FBXO36: variants seen among roughly 807,000 people sequenced by gnomAD.
FBXO36 encodes F-box protein 36.
Under a neutral mutation model 17.0 loss-of-function variants are expected in FBXO36, and 18 were observed. That is an observed-to-expected ratio of 1.06 (90% CI 0.73 to 1.57). FBXO36 has a LOEUF of 1.57. Among genes scored for constraint, FBXO36 ranks in the 40% most tolerant of loss-of-function variants. The probability of loss-of-function intolerance (pLI) is 0.00; values close to 1 mark genes in which losing one functional copy is unlikely to be tolerated. For missense variants in FBXO36, 229 were observed against 221.9 expected (o/e 1.03, Z -0.20); for synonymous variants, 83 against 85.3 (o/e 0.97, Z 0.15).
rs543214 is a variant in FBXO36 at position 229,981,734 on chromosome 2, A to G, written c.205+5385A>G. On this transcript the variant is annotated intron_variant, in intron 2 of 3. Transcript: ENST00000283946. The stretch of plus-strand genomic sequence containing the variant: ...AAAAAAAAAGAAAGAAAGAAAAAGG[A>G]AAAGAAAAAAAAAATTCCCAGCATG... Among the ~76,000 whole-genome samples, 76 of 151,708 alleles carry G rather than the reference A, an allele frequency of 5.0e-4. 1 individual carries two copies. The East Asian group carries it at 0.013, about 26-fold the overall frequency.
In FBXO36 at chr2:229,940,191, A is replaced by G. The variant is rs528447363; in HGVS notation, c.96+17582A>G. Reference sequence around the variant, plus strand: ...GTTCCCAATTAGTGGAGCTTGTTTAAGCTGTGACTAAAGGATGTTTTTATA... The same window carrying G: ...GTTCCCAATTAGTGGAGCTTGTTTAGGCTGTGACTAAAGGATGTTTTTATA... On this transcript the variant is annotated intron_variant, in intron 1 of 3. Transcript: ENST00000283946. Among the ~76,000 whole-genome samples, 250 of 152,336 alleles carry G rather than the reference A, an allele frequency of 1.6e-3. 1 individual carries two copies. Among genetic ancestry groups the G allele is most frequent in the African/African-American group, 5.6e-3 (233 of 41,586 alleles).
intron 1 of FBXO36, among the ~76,000 whole-genome samples, chr2:229,948,940 T>G (rs2077041016): frequency 6.6e-6 from 1 of 152,158 alleles, no homozygotes; most frequent in East Asian, 1.9e-4. Flanking sequence ...TTCAACTGAT[T>G]ATCCTGCCTC....
chr2:229,961,262 T>G (rs1222536569), intron 1 of FBXO36, among the ~76,000 whole-genome samples: 2 of 152,254 alleles, frequency 1.3e-5, no homozygotes, highest in African/African-American at 4.8e-5. Flanking sequence ...TATATTTGTT[T>G]ATTATATACA....
At chr2:229,953,455 C>T (rs188524639) in intron 1 of FBXO36, among the ~76,000 whole-genome samples, 37 of 151,906 alleles carry the variant, frequency 2.4e-4, no homozygotes, top group Non-Finnish European at 3.5e-4. Flanking sequence ...GTGGGAAGAT[C>T]GCTTGAGCTC....
intron 2 of FBXO36, chr2:229,976,638 G>A (rs1052517172): frequency 2.5e-5 from 6 of 236,758 alleles, no homozygotes; most frequent in Admixed American, 1.1e-4. Context: ...GGCCAAGATG[G>A]TGAAACCCTG....
intron 1 of FBXO36, among the ~76,000 whole-genome samples, chr2:229,954,772 C>A (rs1279275005): frequency 2.6e-5 from 4 of 150,972 alleles, no homozygotes; most frequent in Admixed American, 1.3e-4. Context: ...TGGACTCAAT[C>A]TCCTGACCTC....
In FBXO36 at chr2:230,012,093, A is replaced by G. The variant is rs950274477; in HGVS notation, c.*1209A>G. ...CCACATCACATTATAATATAGCCTT[A>G]TAATTTCTTCTTTCCTGCAACCTTC... On this transcript the variant is annotated 3_prime_UTR_variant, in exon 4 of 4. Transcript: ENST00000283946. 3 of 152,194 alleles carry G rather than the reference A, an allele frequency of 2.0e-5. No individual in the cohort carries two copies. The highest frequency in any genetic ancestry group is 2.9e-5 in the Non-Finnish European group (2 of 68,040). The allele number at this position is 152,194 out of a possible 1,614,324, so 9.4% of individuals were successfully genotyped here. A position where few individuals can be genotyped will look rare whatever the true frequency, so the allele number is the denominator to read the frequency against.
At chr2:229,954,234 A>ATTTTTGTTTTTTTTTTTTTTTTTTTTTT (rs2077072383) in intron 1 of FBXO36, among the ~76,000 whole-genome samples, 1 of 71,378 alleles carries the variant, frequency 1.4e-5, no homozygotes, top group Non-Finnish European at 2.6e-5. Context: ...AACCCTTTGG[A>ATTTTTGTTTTTTTTTTTTTTTTTTTTTT]TTTTTTTTTT....
At chr2:229,937,977 G>A (rs2076973553) in intron 1 of FBXO36, 1 of 152,290 alleles carries the variant, frequency 6.6e-6, no homozygotes, top group Non-Finnish European at 1.5e-5. Context: ...TTGTTTGTTT[G>A]TTTGTTTTTT....
chr2:229,950,891 G>A (rs1418301354), intron 1 of FBXO36, among the ~76,000 whole-genome samples: 1 of 151,610 alleles, frequency 6.6e-6, no homozygotes, highest in East Asian at 1.9e-4. Context: ...CAAGTATCTG[G>A]GATTACAGGC....
At chr2:229,947,032 G>A (rs1015305481) in intron 1 of FBXO36, among the ~76,000 whole-genome samples, 3 of 152,068 alleles carry the variant, frequency 2.0e-5, no homozygotes, top group African/African-American at 7.2e-5. Flanking sequence ...GCTGGGCATG[G>A]TGGCAGGTGC....
chr2:229,962,431 C>T (rs1057225780), intron 1 of FBXO36, among the ~76,000 whole-genome samples: 9 of 151,456 alleles, frequency 5.9e-5, no homozygotes, highest in Non-Finnish European at 7.4e-5. Flanking sequence ...CTTGGACTAA[C>T]GCAATCCTCC....
chr2:229,977,519 C>T (rs2077215660), intron 2 of FBXO36, among the ~76,000 whole-genome samples: 1 of 151,932 alleles, frequency 6.6e-6, no homozygotes, highest in South Asian at 2.1e-4. Flanking sequence ...GGCATGATTT[C>T]AGCTCACTGC....
chr2:229,929,438 C>A (rs750992499), intron 1 of FBXO36, among the ~76,000 whole-genome samples: 2 of 151,858 alleles, frequency 1.3e-5, no homozygotes, highest in Non-Finnish European at 2.9e-5. Flanking sequence ...TGGGAGCGGG[C>A]GCCTATAGTC....
At chr2:229,968,452 A>G (rs889783237) in intron 1 of FBXO36, among the ~76,000 whole-genome samples, 1 of 152,068 alleles carries the variant, frequency 6.6e-6, no homozygotes, top group Non-Finnish European at 1.5e-5. Flanking sequence ...TATCTAGCAA[A>G]TTTAATTCTC....
intron 2 of FBXO36, among the ~76,000 whole-genome samples, chr2:229,979,834 A>T (rs1252100904): frequency 2.0e-5 from 3 of 152,116 alleles, no homozygotes; most frequent in African/African-American, 7.2e-5. Flanking sequence ...AAGAACAACC[A>T]TGTCAAATAA....
intron 1 of FBXO36, among the ~76,000 whole-genome samples, chr2:229,923,772 C>T (rs2076869420): frequency 6.8e-6 from 1 of 147,876 alleles, no homozygotes. Flanking sequence ...TTAAACTGTT[C>T]TTAGGGGGTT....
intron 1 of FBXO36, chr2:229,942,911 T>C (rs2077007295): frequency 6.6e-6 from 1 of 152,280 alleles, no homozygotes; most frequent in African/African-American, 2.4e-5. Context: ...GTCCATCTTC[T>C]TGTGGTTACA....
chr2:229,959,520 T>G (rs1181870207), intron 1 of FBXO36, among the ~76,000 whole-genome samples: 1 of 152,150 alleles, frequency 6.6e-6, no homozygotes, highest in African/African-American at 2.4e-5. Context: ...CCAGTTTGCT[T>G]TATTGTAATA....
Sources: allele counts gnomAD v4.1 joint callset (sites outside exome capture counted in the v4.1 genomes callset), GRCh38; gene constraint gnomAD v4.1.1; transcripts MANE v1.5; gene names NCBI Gene and HGNC (gene_info 2026-07-23, HGNC 2026-07-21).